SLC25A13: variants seen among roughly 807,000 people sequenced by gnomAD.
SLC25A13 encodes the protein solute carrier family 25 member 13.
Under a neutral mutation model 85.5 loss-of-function variants are expected in SLC25A13, and 70 were observed. The observed-to-expected ratio is 0.82, with a 90% CI of 0.68 to 1.00. The LOEUF (loss-of-function observed/expected upper bound fraction) is 1.00, where lower values mean the gene tolerates loss of function less well. SLC25A13 is among the 50% of genes least tolerant of loss of function. The pLI, the probability that SLC25A13 is intolerant of heterozygous loss-of-function variation, is 0.00. For missense variants in SLC25A13, 765 were observed against 819.8 expected, an observed-to-expected ratio of 0.93 and a Z score of 0.82; for synonymous variants, 259 against 288.7, an observed-to-expected ratio of 0.90 and a Z score of 1.04.
intron 3 of SLC25A13, among the ~76,000 whole-genome samples, chr7:96,256,183 A>AT (rs1797629142): frequency 6.6e-6 from 1 of 152,172 alleles, no homozygotes; most frequent in South Asian, 2.1e-4. Context: ...GGCAAAATAA[A>AT]TGGCAAGCAT....
chr7:96,241,095 AAAGAAAG>A (rs1170438159), intron 3 of SLC25A13, among the ~76,000 whole-genome samples: 2 of 132,392 alleles, frequency 1.5e-5, no homozygotes, highest in Non-Finnish European at 3.4e-5. Context: ...AGAAAGAAAG[AAAGAAAG>A]AAAGGCACTT....
intron 6 of SLC25A13, among the ~76,000 whole-genome samples, chr7:96,191,862 T>C (rs1794869644): frequency 6.6e-6 from 1 of 152,110 alleles, no homozygotes; most frequent in South Asian, 2.1e-4. Context: ...ATTCTGATAA[T>C]CAGAATTTTT....
chr7:96,286,972 G>T (rs1476279571), intron 2 of SLC25A13, among the ~76,000 whole-genome samples: 1 of 152,188 alleles, frequency 6.6e-6, no homozygotes, highest in Non-Finnish European at 1.5e-5. Context: ...CTTTACACAG[G>T]TTAGCAGAGA....
intron 14 of SLC25A13, among the ~76,000 whole-genome samples, chr7:96,134,328 C>G (rs1461537809): frequency 2.0e-5 from 3 of 151,990 alleles, no homozygotes; most frequent in Admixed American, 1.3e-4. Flanking sequence ...TGAGCCACTG[C>G]GCCTGGCCAC....
chr7:96,286,015 T>C (rs1208757706), intron 2 of SLC25A13, among the ~76,000 whole-genome samples: 2 of 152,128 alleles, frequency 1.3e-5, no homozygotes, highest in Non-Finnish European at 2.9e-5. Context: ...CCAGGCACGG[T>C]GGCTCATGCC....
chr7:96,234,631 G>A lies in SLC25A13; in HGVS notation c.328+171C>T, dbSNP rs12667166. 1.8e-3 allele frequency among the ~76,000 whole-genome samples: 279 copies of A among 151,932 alleles called. 3 individuals are homozygous for A. In the East Asian group the frequency reaches 0.03, roughly 16 times the overall value. The stretch of plus-strand genomic sequence containing the variant: ...GCCAGAAACTTGTTTTTTTCGAATA[G>A]GAAGATGTTTGAACTGGAGCTCCAA... On this transcript the variant is annotated intron_variant, in intron 4 of 17. Coordinates refer to ENST00000265631, the MANE Select transcript of SLC25A13 (RefSeq NM_014251.3).
At chr7:96,185,813 T>C (rs1479716827) in intron 9 of SLC25A13, among the ~76,000 whole-genome samples, 3 of 151,604 alleles carry the variant, frequency 2.0e-5, no homozygotes, top group African/African-American at 7.3e-5. Context: ...GGCAGGAGAA[T>C]GGCGTGAACC....
chr7:96,217,185 T>G (rs1450243817), intron 4 of SLC25A13, among the ~76,000 whole-genome samples: 3 of 152,180 alleles, frequency 2.0e-5, no homozygotes, highest in Admixed American at 6.5e-5. Context: ...AGATAACCAC[T>G]TCACCCTGCT....
intron 11 of SLC25A13, among the ~76,000 whole-genome samples, chr7:96,180,604 C>T (rs924235249): frequency 6.6e-6 from 1 of 152,224 alleles, no homozygotes; most frequent in African/African-American, 2.4e-5. Flanking sequence ...GCTGGGATTA[C>T]AGGCATAAGC....
intron 3 of SLC25A13, among the ~76,000 whole-genome samples, chr7:96,240,920 A>T (rs62472363): frequency 1.5e-5 from 2 of 136,634 alleles, no homozygotes; most frequent in Non-Finnish European, 3.1e-5. Flanking sequence ...GGAAGAGACC[A>T]GAGTTGAGGA....
intron 1 of SLC25A13, chr7:96,306,809 G>A: frequency 7.2e-7 from 1 of 1,382,012 alleles, no homozygotes; most frequent in East Asian, 2.3e-5. Flanking sequence ...TCTACCCCCA[G>A]GGACTCAGGA....
At chr7:96,139,131 T>C (rs1476762184) in intron 14 of SLC25A13, among the ~76,000 whole-genome samples, 3 of 152,192 alleles carry the variant, frequency 2.0e-5, no homozygotes, top group Admixed American at 2.0e-4. Flanking sequence ...TTTTAGTAAA[T>C]CCACACAACG....
chr7:96,247,636 T>C (rs1205081910), intron 3 of SLC25A13, among the ~76,000 whole-genome samples: 1 of 152,120 alleles, frequency 6.6e-6, no homozygotes, highest in Non-Finnish European at 1.5e-5. Flanking sequence ...ATAAGGTGCT[T>C]AAAAATCAAG....
At chr7:96,318,707 T>C (rs1342662374) in intron 1 of SLC25A13, among the ~76,000 whole-genome samples, 1 of 152,234 alleles carries the variant, frequency 6.6e-6, no homozygotes, top group African/African-American at 2.4e-5. Context: ...TAAATAAGTA[T>C]AAAGACCAAA....
chr7:96,123,913 ATC>A (rs1791621733), intron 15 of SLC25A13, among the ~76,000 whole-genome samples: 1 of 152,240 alleles, frequency 6.6e-6, no homozygotes, highest in South Asian at 2.1e-4. Context: ...GCCAATGCTG[ATC>A]AAGTGGTCTG....
At chr7:96,236,830 A>G (rs1166752127) in intron 3 of SLC25A13, among the ~76,000 whole-genome samples, 1 of 152,162 alleles carries the variant, frequency 6.6e-6, no homozygotes, top group Non-Finnish European at 1.5e-5. Flanking sequence ...GAAGAAAACC[A>G]TTTGTTACAG....
At chr7:96,144,129 A>C (rs1490254663) in intron 14 of SLC25A13, among the ~76,000 whole-genome samples, 1 of 152,228 alleles carries the variant, frequency 6.6e-6, no homozygotes, top group Non-Finnish European at 1.5e-5. Flanking sequence ...CTCCCTAGAA[A>C]GATGGATCTT....
chr7:96,261,138 T>C (rs1037629486), intron 3 of SLC25A13, among the ~76,000 whole-genome samples: 7 of 152,130 alleles, frequency 4.6e-5, no homozygotes, highest in Non-Finnish European at 1.0e-4. Context: ...GGGTCTCCCA[T>C]GGCTTACTCC....
intron 14 of SLC25A13, among the ~76,000 whole-genome samples, chr7:96,134,545 C>T (rs1298686507): frequency 1.3e-5 from 2 of 151,948 alleles, no homozygotes; most frequent in East Asian, 3.9e-4. Flanking sequence ...ATAAACATCC[C>T]TGAGGCACAG....
Sources: gnomAD v4.1 joint callset for allele counts (sites outside exome capture counted in the v4.1 genomes callset) on GRCh38, gnomAD v4.1.1 for gene constraint, MANE v1.5 for transcripts, NCBI Gene and HGNC (gene_info 2026-07-23, HGNC 2026-07-21) for gene names.